Variants in NLN observed in about 807,000 individuals in gnomAD.
The protein encoded by NLN is neurolysin, mitochondrial.
NLN carries 64 observed loss-of-function variants against 79.9 expected under a neutral mutation model. That is an observed-to-expected ratio of 0.80 (90% CI 0.65 to 0.99). The LOEUF is 0.99. Ranked by LOEUF, NLN falls within the 50% of genes least tolerant of loss-of-function variation. The pLI is 0.00. For missense variants in NLN, 835 were observed against 858.7 expected (o/e 0.97, Z 0.34); for synonymous variants, 267 against 296.6 (o/e 0.90, Z 1.02).
chr5:65,826,656 A>G lies in NLN; in HGVS notation c.*3741A>G, dbSNP rs1760925485. ...GTGGTGGCTCACACCTGTAATCCTA[A>G]CACTTTGGAAGGTTGAGGCAGGAGG... On this transcript the variant is annotated 3_prime_UTR_variant, in exon 13 of 13. Coordinates refer to ENST00000380985, the MANE Select transcript of NLN (RefSeq NM_020726.5). 6.6e-6 allele frequency: 1 copy of G among 152,174 alleles called. No homozygotes were observed. Among genetic ancestry groups the G allele is most frequent in the Admixed American group, 6.5e-5 (1 of 15,274 alleles). 9.4% of individuals were successfully genotyped at this position (152,174 alleles called of 1,614,324 possible).
At chr5:65,746,801 G>A (rs1377439380) in intron 1 of NLN, among the ~76,000 whole-genome samples, 4 of 151,882 alleles carry the variant, frequency 2.6e-5, no homozygotes, top group African/African-American at 4.8e-5. Context: ...TCAGGAGATC[G>A]AGACCATCCT....
At chr5:65,752,382 A>G (rs1245490674) in intron 1 of NLN, among the ~76,000 whole-genome samples, 4 of 152,238 alleles carry the variant, frequency 2.6e-5, no homozygotes, top group African/African-American at 9.6e-5. Context: ...TAATTAGACA[A>G]CTGGAATCTC....
chr5:65,829,177 T>G lies in NLN; in HGVS notation c.*6262T>G, dbSNP rs945183727. ...TGTGCCATGCATGCACTCCACCATA[T>G]TGTGATCTCTTCGAGGCTTGTTTCT... On this transcript the variant is annotated 3_prime_UTR_variant, in exon 13 of 13. Coordinates refer to ENST00000380985, the MANE Select transcript of NLN (RefSeq NM_020726.5). The G allele has an allele frequency of 2.0e-5, 3 of 152,180 alleles. No homozygotes were observed. The highest frequency in any genetic ancestry group is 4.4e-5 in the Non-Finnish European group (3 of 68,056). 9.4% of individuals were successfully genotyped at this position (152,180 alleles called of 1,614,324 possible).
At position 65,785,918 on chromosome 5, in the gene NLN, C is replaced by A; in HGVS notation, c.958+8C>A. 1 of 1,262,348 alleles carries A rather than the reference C, an allele frequency of 7.9e-7. No individual in the cohort carries two copies. 78.2% of individuals were successfully genotyped at this position (1,262,348 alleles called of 1,614,324 possible). On this transcript the variant is annotated splice_region_variant and intron_variant, in intron 7 of 12. Coordinates refer to ENST00000380985, the MANE Select transcript of NLN (RefSeq NM_020726.5). The stretch of plus-strand genomic sequence containing the variant: ...GCGTAACAGCCTTTCTAGGTTAGTT[C>A]TTTTTTTTTTTTCTATGACTGTTTT...
chr5:65,744,138 C>CT (rs59900586), intron 1 of NLN, among the ~76,000 whole-genome samples: 35,978 of 152,094 alleles, frequency 0.24, 4,385 homozygotes, highest in African/African-American at 0.27. Context: ...TCACTGTAGC[C>CT]TGACCTCCTG....
chr5:65,764,135 T>C (rs1228351450), intron 3 of NLN, among the ~76,000 whole-genome samples: 5 of 152,220 alleles, frequency 3.3e-5, no homozygotes, highest in Non-Finnish European at 7.3e-5. Flanking sequence ...TTATGTAATT[T>C]GGAATTTTTC....
intron 6 of NLN, among the ~76,000 whole-genome samples, chr5:65,782,113 A>G (rs1395319741): frequency 3.9e-5 from 6 of 152,244 alleles, no homozygotes; most frequent in African/African-American, 1.2e-4. Context: ...GGAACTGGGA[A>G]GATTCTGTAC....
rs1355287612 is a variant in NLN, at chr5:65,738,977, A to G, written c.41+16563A>G. ...TATATATATGTATATATAAATATAT[A>G]TATTATATATTTATATATATTTTAT... On this transcript the variant is annotated intron_variant, in intron 1 of 12. Coordinates refer to ENST00000380985, the MANE Select transcript of NLN (RefSeq NM_020726.5). 3.1e-4 allele frequency among the ~76,000 whole-genome samples: 7 copies of G among 22,802 alleles called. 1 individual carries two copies. Among genetic ancestry groups the G allele is most frequent in the Admixed American group, 2.6e-3 (4 of 1,554 alleles). The allele number at this position is 22,802 out of a possible 152,430, so 15.0% of individuals were successfully genotyped here. A position where few individuals can be genotyped will look rare whatever the true frequency, so the allele number is the denominator to read the frequency against.
intron 3 of NLN, among the ~76,000 whole-genome samples, chr5:65,766,231 G>A (rs907221553): frequency 6.6e-6 from 1 of 152,160 alleles, no homozygotes; most frequent in Admixed American, 6.5e-5. Flanking sequence ...TTTTCACACT[G>A]CTATAAAGAG....
chr5:65,742,312 G>A (rs1332709041), intron 1 of NLN, among the ~76,000 whole-genome samples: 2 of 152,148 alleles, frequency 1.3e-5, no homozygotes, highest in Non-Finnish European at 2.9e-5. Context: ...AAGGATGTAT[G>A]TGGCACTGTT....
intron 1 of NLN, among the ~76,000 whole-genome samples, chr5:65,754,805 A>C (rs1422915617): frequency 1.3e-5 from 2 of 152,128 alleles, no homozygotes; most frequent in African/African-American, 2.4e-5. Flanking sequence ...TTTGAGGCTC[A>C]TCATCTGGTT....
chr5:65,766,545 A>G (rs1169405158), intron 3 of NLN, among the ~76,000 whole-genome samples: 1 of 152,156 alleles, frequency 6.6e-6, no homozygotes, highest in Non-Finnish European at 1.5e-5. Context: ...ATTTGACATG[A>G]GATTTGGGTA....
chr5:65,775,424 C>T (rs1298937392), intron 3 of NLN, among the ~76,000 whole-genome samples: 1 of 152,208 alleles, frequency 6.6e-6, no homozygotes, highest in Non-Finnish European at 1.5e-5. Context: ...GGATGGCCTT[C>T]TGCTCTGGTC....
intron 1 of NLN, among the ~76,000 whole-genome samples, chr5:65,743,504 T>C (rs1758911489): frequency 6.6e-6 from 1 of 152,156 alleles, no homozygotes; most frequent in South Asian, 2.1e-4. Flanking sequence ...AATAAAAGTA[T>C]GTTACTCTAC....
intron 9 of NLN, among the ~76,000 whole-genome samples, chr5:65,797,451 G>T (rs544199973): frequency 7.9e-5 from 12 of 152,312 alleles, no homozygotes; most frequent in African/African-American, 2.9e-4. Flanking sequence ...GTAGATAAAT[G>T]TACCCTGTAT....
intron 1 of NLN, among the ~76,000 whole-genome samples, chr5:65,757,409 T>C (rs1010027912): frequency 6.6e-6 from 1 of 152,202 alleles, no homozygotes; most frequent in Non-Finnish European, 1.5e-5. Context: ...GGCAAGTTAC[T>C]TAACTTCTCT....
rs760572199 is a variant in NLN at position 65,723,814 on chromosome 5, C to CAAAA, written c.41+1419_41+1422dup. 2.0e-3 allele frequency among the ~76,000 whole-genome samples: 113 copies of CAAAA among 55,304 alleles called. 3 individuals carry two copies. The highest frequency in any genetic ancestry group is 6.5e-3 in the African/African-American group (102 of 15,710). The allele number at this position is 55,304 out of a possible 152,430, so 36.3% of individuals were successfully genotyped here. A position where few individuals can be genotyped will look rare whatever the true frequency, so the allele number is the denominator to read the frequency against. ...TGGGCGACAGAGCAAGACTCCGTCTCAAAAAAAAAAAAAAAAAAAAAAGAA... is the reference window on the plus strand; with the variant it reads ...TGGGCGACAGAGCAAGACTCCGTCTCAAAAAAAAAAAAAAAAAAAAAAAAAAGAA... On this transcript the variant is annotated intron_variant, in intron 1 of 12. Transcript: ENST00000380985.
At chr5:65,722,742 T>C (rs1008032339) in intron 1 of NLN, 1 of 358,928 alleles carries the variant, frequency 2.8e-6, no homozygotes, top group African/African-American at 2.2e-5. Context: ...TCAATCCCAA[T>C]GCAGAACTAC....
At chr5:65,768,247 AAG>A (rs1276127477) in intron 3 of NLN, among the ~76,000 whole-genome samples, 1 of 152,208 alleles carries the variant, frequency 6.6e-6, no homozygotes, top group African/African-American at 2.4e-5. Context: ...TTTATAAAGA[AAG>A]AGGTTTAATT....
Sources: gnomAD v4.1 joint callset for allele counts (sites outside exome capture counted in the v4.1 genomes callset) on GRCh38, gnomAD v4.1.1 for gene constraint, MANE v1.5 for transcripts, NCBI Gene and HGNC (gene_info 2026-07-23, HGNC 2026-07-21) for gene names.